The following CSNK1G1 variants were observed in gnomAD, a reference collection of about 807,000 sequenced individuals.
The protein encoded by CSNK1G1 is casein kinase 1 gamma 1.
Under a neutral mutation model 59.6 loss-of-function variants are expected in CSNK1G1, and 22 were observed. That is an observed-to-expected ratio of 0.37 (90% confidence interval 0.26 to 0.53). CSNK1G1 has a LOEUF of 0.53. Among genes scored for constraint, CSNK1G1 ranks in the 20% least tolerant of loss-of-function variants. The pLI is 0.89. For missense variants in CSNK1G1, 384 were observed against 519.5 expected, an observed-to-expected ratio of 0.74 and a Z score of 2.54; for synonymous variants, 179 against 177.1, an observed-to-expected ratio of 1.01 and a Z score of -0.08.
intron 4 of CSNK1G1, among the ~76,000 whole-genome samples, chr15:64,243,488 C>T (rs555983002): frequency 6.6e-6 from 1 of 152,022 alleles, no homozygotes; most frequent in East Asian, 1.9e-4. Context: ...AAAATTGGAA[C>T]AAGACAGGAT....
At chr15:64,308,075 A>G (rs1895784507) in intron 1 of CSNK1G1, among the ~76,000 whole-genome samples, 1 of 152,096 alleles carries the variant, frequency 6.6e-6, no homozygotes, top group Non-Finnish European at 1.5e-5. Context: ...CACTTAATCT[A>G]TAATACTTAT....
chr15:64,284,316 G>A (rs982724566), intron 2 of CSNK1G1, among the ~76,000 whole-genome samples: 3 of 151,980 alleles, frequency 2.0e-5, no homozygotes, highest in Non-Finnish European at 4.4e-5. Flanking sequence ...TTGAAATTCC[G>A]TATGAATTTT....
intron 4 of CSNK1G1, among the ~76,000 whole-genome samples, chr15:64,220,622 G>A (rs2082376243): frequency 6.6e-6 from 1 of 151,792 alleles, no homozygotes; most frequent in African/African-American, 2.4e-5. Flanking sequence ...TCAGCCTCCT[G>A]AGTAGCTGGG....
rs774402095 is a variant in CSNK1G1 at position 64,278,432 on chromosome 15, ATT to A, written c.182-19193_182-19192del. 4.3e-3 allele frequency among the ~76,000 whole-genome samples: 545 copies of A among 127,874 alleles called. 6 individuals carry two copies. Among genetic ancestry groups the A allele is most frequent in the South Asian group, 9.2e-3 (39 of 4,260 alleles). 83.9% of individuals were successfully genotyped at this position (127,874 alleles called of 152,430 possible). A position where few individuals can be genotyped will look rare whatever the true frequency, so the allele number is the denominator to read the frequency against. On this transcript the variant is annotated intron_variant, in intron 2 of 11. Transcript: ENST00000303052. Reference sequence around the variant, plus strand: ...TGTGTGTGTGTGTATATATATATATATTTTTTTTTTTTTGGACACAGAGTCTC... The same window carrying A: ...TGTGTGTGTGTGTATATATATATATATTTTTTTTTTTGGACACAGAGTCTC...
intron 1 of CSNK1G1, among the ~76,000 whole-genome samples, chr15:64,323,963 T>C (rs1006308834): frequency 2.0e-5 from 3 of 152,206 alleles, no homozygotes; most frequent in African/African-American, 7.2e-5. Context: ...CTTTAAATGA[T>C]TTAAATATAT....
intron 10 of CSNK1G1, among the ~76,000 whole-genome samples, chr15:64,199,832 G>A (rs980167270): frequency 6.6e-6 from 1 of 151,902 alleles, no homozygotes; most frequent in Non-Finnish European, 1.5e-5. Context: ...CACCCTGGGC[G>A]ACAGAGCAAG....
chr15:64,201,028 T>C (rs1191540497), intron 10 of CSNK1G1, among the ~76,000 whole-genome samples: 1 of 152,064 alleles, frequency 6.6e-6, no homozygotes, highest in Non-Finnish European at 1.5e-5. Context: ...TCCCAGTACT[T>C]TGGGAGGCCG....
chr15:64,303,919 A>G (rs1484033208), intron 1 of CSNK1G1, among the ~76,000 whole-genome samples: 2 of 119,362 alleles, frequency 1.7e-5, no homozygotes, highest in Non-Finnish European at 4.0e-5. Flanking sequence ...CCCTGTCCAA[A>G]AAAAAAAAAA....
chr15:64,308,822 G>A lies in CSNK1G1; in HGVS notation c.-224-8099C>T, dbSNP rs552179533. Among the ~76,000 whole-genome samples, 85 of 151,960 alleles carry A rather than the reference G, an allele frequency of 5.6e-4. 1 individual carries two copies. Among genetic ancestry groups the A allele is most frequent in the East Asian group, 1.9e-4 (1 of 5,156 alleles). On this transcript the variant is annotated intron_variant, in intron 1 of 11. Coordinates refer to ENST00000303052, the MANE Select transcript of CSNK1G1 (RefSeq NM_022048.5). ...TGAGGCAGGAAAATGGCGTGAACCC[G>A]GGAGGCGGAGCTTGCAGTGAGCCAA...
chr15:64,233,841 C>T (rs1473657046), intron 4 of CSNK1G1, among the ~76,000 whole-genome samples: 1 of 152,138 alleles, frequency 6.6e-6, no homozygotes, highest in East Asian at 1.9e-4. Flanking sequence ...GTGAATTATA[C>T]CTTTCCAAGT....
intron 4 of CSNK1G1, among the ~76,000 whole-genome samples, chr15:64,224,977 ATAG>A (rs1161604903): frequency 6.6e-6 from 1 of 151,190 alleles, no homozygotes; most frequent in African/African-American, 2.4e-5. Flanking sequence ...GATTTCTTCT[ATAG>A]TAGATAGAAT....
At chr15:64,199,250 C>CAAAAAAAAAAAAAA (rs56819260) in intron 10 of CSNK1G1, among the ~76,000 whole-genome samples, 1 of 52,344 alleles carries the variant, frequency 1.9e-5, no homozygotes, top group Non-Finnish European at 3.7e-5. Context: ...AATCTTTTCT[C>CAAAAAAAAAAAAAA]AAAAAAAAAA....
At chr15:64,250,986 AT>A (rs1242210355) in intron 4 of CSNK1G1, among the ~76,000 whole-genome samples, 2 of 152,172 alleles carry the variant, frequency 1.3e-5, no homozygotes, top group African/African-American at 4.8e-5. Context: ...AAAAACAAAC[AT>A]TTTTTACAGT....
intron 6 of CSNK1G1, among the ~76,000 whole-genome samples, chr15:64,212,162 C>T (rs2082256933): frequency 1.3e-5 from 2 of 152,156 alleles, no homozygotes; most frequent in African/African-American, 4.8e-5. Flanking sequence ...GATTAAGTAA[C>T]TTGTCCAAAG....
intron 1 of CSNK1G1, chr15:64,342,494 C>T (rs1332631166): frequency 6.6e-6 from 1 of 152,230 alleles, no homozygotes; most frequent in Non-Finnish European, 1.5e-5. Context: ...CCACTTCATT[C>T]ATATCTTTTA....
intron 10 of CSNK1G1, 30 bp from the exon 11 acceptor site, chr15:64,180,484 G>A: frequency 6.5e-7 from 1 of 1,546,606 alleles, no homozygotes; most frequent in Middle Eastern, 1.7e-4. Context: ...GTGTGTGACA[G>A]GCACCATGGC....
At chr15:64,234,695 G>A (rs2082591995) in intron 4 of CSNK1G1, among the ~76,000 whole-genome samples, 1 of 152,184 alleles carries the variant, frequency 6.6e-6, no homozygotes, top group Admixed American at 6.5e-5. Context: ...AGAAAGAAAA[G>A]CATGGTCTGT....
intron 1 of CSNK1G1, among the ~76,000 whole-genome samples, chr15:64,307,009 C>T (rs1260592678): frequency 2.0e-5 from 3 of 151,096 alleles, no homozygotes; most frequent in Non-Finnish European, 3.0e-5. Context: ...AGGTGGAGCC[C>T]AGGGGATTTT....
At chr15:64,248,146 C>T (rs142685996) in intron 4 of CSNK1G1, among the ~76,000 whole-genome samples, 43 of 152,194 alleles carry the variant, frequency 2.8e-4, no homozygotes, top group Admixed American at 2.5e-3. Context: ...GTGGCATATG[C>T]GCACTGGCTG....
Sources: gnomAD v4.1 joint callset for allele counts (sites outside exome capture counted in the v4.1 genomes callset) on GRCh38, gnomAD v4.1.1 for gene constraint, MANE v1.5 for transcripts, NCBI Gene and HGNC (gene_info 2026-07-23, HGNC 2026-07-21) for gene names.